Variants in OPCML observed in about 807,000 individuals in gnomAD.
OPCML encodes opioid binding protein/cell adhesion molecule like, also known as opioid-binding protein/cell adhesion molecule.
A neutral mutation model predicts 37.8 loss-of-function variants in OPCML; 13 were observed. The ratio of observed to expected loss-of-function variants is 0.34; its 90% CI spans 0.22 to 0.55. OPCML has a LOEUF of 0.55. OPCML is among the 20% of genes least tolerant of loss of function. The pLI is 0.91. For synonymous variants in OPCML, 176 were observed against 168.8 expected (o/e 1.04, Z -0.33); for missense variants, 341 against 435.6 (o/e 0.78, Z 1.93).
intron 4 of OPCML, among the ~76,000 whole-genome samples, chr11:132,512,118 C>T (rs756172793): frequency 1.1e-4 from 16 of 151,978 alleles, no homozygotes; most frequent in African/African-American, 2.9e-4. Context: ...GAAAAATATG[C>T]CCAAACTCAT....
intron 1 of OPCML, among the ~76,000 whole-genome samples, chr11:133,112,313 G>GAAAAAAAAAAA (rs1565453484): frequency 4.5e-5 from 3 of 66,436 alleles, no homozygotes; most frequent in Non-Finnish European, 6.4e-5. Context: ...AAAAAAAAGG[G>GAAAAAAAAAAA]GAAAGAAACA....
At chr11:133,329,861 T>G (rs1386136565) in intron 1 of OPCML, among the ~76,000 whole-genome samples, 3 of 152,034 alleles carry the variant, frequency 2.0e-5, no homozygotes, top group Non-Finnish European at 2.9e-5. Flanking sequence ...ACTAAAGAGC[T>G]TCTGCACAGC....
intron 1 of OPCML, among the ~76,000 whole-genome samples, chr11:133,049,255 A>G (rs1004756183): frequency 6.6e-5 from 10 of 152,236 alleles, no homozygotes; most frequent in African/African-American, 2.4e-4. Flanking sequence ...CATAATCTGA[A>G]CATAACCTAC....
chr11:132,765,993 G>A (rs1161669858), intron 2 of OPCML, among the ~76,000 whole-genome samples: 1 of 151,908 alleles, frequency 6.6e-6, no homozygotes, highest in Non-Finnish European at 1.5e-5. Context: ...CAGCTTGATG[G>A]GACACTATCT....
At chr11:133,040,023 C>T (rs1370618013) in intron 1 of OPCML, among the ~76,000 whole-genome samples, 1 of 150,864 alleles carries the variant, frequency 6.6e-6, no homozygotes, top group Non-Finnish European at 1.5e-5. Flanking sequence ...CACGAGACTC[C>T]ATCTCAAAAA....
In OPCML at chr11:133,045,295, G is replaced by A. The variant is rs1338999573; in HGVS notation, c.62-102285C>T. Reference sequence around the variant, plus strand: ...CCTCCTGAGATGGTTGGCCCTTCAAGCCAGGGAACCACGTTCTCAGGGCCT... The same window carrying A: ...CCTCCTGAGATGGTTGGCCCTTCAAACCAGGGAACCACGTTCTCAGGGCCT... On this transcript the variant is annotated intron_variant, in intron 1 of 7. Transcript: ENST00000524381. 1.1e-4 allele frequency among the ~76,000 whole-genome samples: 16 copies of A among 152,184 alleles called. 1 individual carries two copies. Among genetic ancestry groups the A allele is most frequent in the Non-Finnish European group, 1.5e-5 (1 of 68,028 alleles).
At chr11:133,145,209 A>G (rs945175921) in intron 1 of OPCML, among the ~76,000 whole-genome samples, 9 of 152,224 alleles carry the variant, frequency 5.9e-5, no homozygotes, top group Non-Finnish European at 1.0e-4. Flanking sequence ...TGACAGTGCT[A>G]TAACTGAGGC....
intron 1 of OPCML, among the ~76,000 whole-genome samples, chr11:133,047,749 G>A (rs1477476316): frequency 6.6e-6 from 1 of 152,176 alleles, no homozygotes; most frequent in East Asian, 1.9e-4. Context: ...AAGCAGACAG[G>A]GTGGGAAAAG....
At position 132,763,214 on chromosome 11, in the gene OPCML, T is replaced by C. The variant is rs554023306; in HGVS notation, c.147-105895A>G. Among the ~76,000 whole-genome samples, 5 of 152,354 alleles carry C rather than the reference T, an allele frequency of 3.3e-5. No homozygotes were observed. In the East Asian group the frequency reaches 7.7e-4, roughly 24 times the overall value. ...GGAAATGCAGAAATGACCTGCGTTC[T>C]GTGTTGGTCTTGCTGGCAGCTGCAG... On this transcript the variant is annotated intron_variant, in intron 2 of 7. Transcript: ENST00000524381.
intron 4 of OPCML, among the ~76,000 whole-genome samples, chr11:132,492,155 C>T (rs1421651098): frequency 6.6e-6 from 1 of 151,818 alleles, no homozygotes; most frequent in Non-Finnish European, 1.5e-5. Context: ...AGAAAGGTGA[C>T]AATGGCCAGG....
At chr11:133,151,881 C>T (rs1042310302) in intron 1 of OPCML, among the ~76,000 whole-genome samples, 2 of 152,186 alleles carry the variant, frequency 1.3e-5, no homozygotes, top group Non-Finnish European at 1.5e-5. Flanking sequence ...AACCATTATC[C>T]TTCCATTCAA....
chr11:133,414,327 T>A (rs76043021), intron 1 of OPCML, among the ~76,000 whole-genome samples: 12,904 of 152,134 alleles, frequency 0.085, 1,600 homozygotes, highest in African/African-American at 0.27. Context: ...CCTTACTGGC[T>A]TTTTTGAATT....
At chr11:133,421,533 G>A in intron 1 of OPCML, 2 of 985,396 alleles carry the variant, frequency 2.0e-6, no homozygotes, top group Non-Finnish European at 1.2e-6. Context: ...ACAAATTGTT[G>A]CAAACTGTAG....
Position 132,418,157 on chromosome 11 carries a change from C to G in OPCML, c.*2036G>C, listed in dbSNP as rs2095944934. On this transcript the variant is annotated 3_prime_UTR_variant, in exon 8 of 8. Transcript: ENST00000524381. The stretch of plus-strand genomic sequence containing the variant: ...GGACACTGATACCAGAGGAAGAAGA[C>G]CAGTTAAGCATTAAGGGCACAGAAT... 1 of 152,168 alleles carries G rather than the reference C, an allele frequency of 6.6e-6. No individual in the cohort carries two copies. The highest frequency in any genetic ancestry group is 2.4e-5 in the African/African-American group (1 of 41,444). 9.4% of individuals were successfully genotyped at this position (152,168 alleles called of 1,614,324 possible).
At chr11:133,197,787 T>A (rs1484130409) in intron 1 of OPCML, among the ~76,000 whole-genome samples, 1 of 152,224 alleles carries the variant, frequency 6.6e-6, no homozygotes, top group Non-Finnish European at 1.5e-5. Context: ...ACTTTACTGA[T>A]GCCTTGCTTC....
At chr11:132,832,219 T>C (rs1591670832) in intron 2 of OPCML, among the ~76,000 whole-genome samples, 1 of 135,084 alleles carries the variant, frequency 7.4e-6, no homozygotes, top group Non-Finnish European at 1.6e-5. Context: ...CTTCCCAACC[T>C]CTTTTTTTTT....
intron 1 of OPCML, among the ~76,000 whole-genome samples, chr11:133,094,034 C>T (rs1312864200): frequency 6.6e-6 from 1 of 152,004 alleles, no homozygotes; most frequent in Non-Finnish European, 1.5e-5. Context: ...ATCAGGTCCC[C>T]TCGTGTGTCT....
chr11:132,823,959 A>T (rs10736605), intron 2 of OPCML, among the ~76,000 whole-genome samples: 1 of 151,874 alleles, frequency 6.6e-6, no homozygotes, highest in African/African-American at 2.4e-5. Context: ...TGCTCTGTTC[A>T]TCACTGACCT....
intron 6 of OPCML, 121 bp from the exon 7 acceptor site, chr11:132,436,358 CAGG>C (rs899454415): frequency 5.1e-6 from 8 of 1,574,518 alleles, no homozygotes; most frequent in Non-Finnish European, 6.8e-6. Flanking sequence ...CAGTGTCCAA[CAGG>C]AGGAGAAGGG....
Sources: gnomAD v4.1 joint callset for allele counts (sites outside exome capture counted in the v4.1 genomes callset) on GRCh38, gnomAD v4.1.1 for gene constraint, MANE v1.5 for transcripts, NCBI Gene and HGNC (gene_info 2026-07-23, HGNC 2026-07-21) for gene names.